NEK11: variants seen among roughly 807,000 people sequenced by gnomAD.
NEK11 encodes serine/threonine-protein kinase Nek11.
NEK11 carries 72 observed loss-of-function variants against 80.7 expected under a neutral mutation model. That is an observed-to-expected ratio of 0.89 (90% CI 0.74 to 1.08). NEK11 has a LOEUF of 1.08. NEK11 is among the 50% of genes least tolerant of loss of function. NEK11 has a pLI of 0.00. For missense variants in NEK11, 764 were observed against 763.6 expected (o/e 1.00, Z -0.01); for synonymous variants, 251 against 260.7 (o/e 0.96, Z 0.36).
intron 10 of NEK11, among the ~76,000 whole-genome samples, chr3:131,159,301 CAGAAAT>C (rs901551336): frequency 1.3e-5 from 2 of 152,200 alleles, no homozygotes; most frequent in African/African-American, 4.8e-5. Context: ...GCTGAAATGA[CAGAAAT>C]AGAATTCTGA....
At chr3:131,189,225 A>G (rs1360636197) in intron 14 of NEK11, among the ~76,000 whole-genome samples, 2 of 152,144 alleles carry the variant, frequency 1.3e-5, no homozygotes, top group Non-Finnish European at 2.9e-5. Context: ...ATTGTGAGAG[A>G]ATAAATTTCT....
intron 14 of NEK11, among the ~76,000 whole-genome samples, chr3:131,206,182 TAGTC>T (rs1037036161): frequency 2.0e-5 from 3 of 152,108 alleles, no homozygotes; most frequent in Admixed American, 6.5e-5. Context: ...TTCACCCAAA[TAGTC>T]AGGCTCTCCA....
At position 131,117,799 on chromosome 3, in the gene NEK11, C is replaced by T. The variant is rs535456610; in HGVS notation, c.455+7878C>T. Among the ~76,000 whole-genome samples the T allele has an allele frequency of 5.9e-5, 9 of 152,218 alleles. No homozygotes were observed. In the South Asian group the frequency reaches 1.9e-3, roughly 32 times the overall value. On this transcript the variant is annotated intron_variant, in intron 5 of 17. Transcript: ENST00000383366. Reference sequence around the variant, plus strand: ...TATCTGTTATTGGTGTACAGGAATGCTTGTGATTTTTGCACATTGATTTTG... The same window carrying T: ...TATCTGTTATTGGTGTACAGGAATGTTTGTGATTTTTGCACATTGATTTTG...
At chr3:131,201,886 G>A (rs776908961) in intron 14 of NEK11, among the ~76,000 whole-genome samples, 15 of 152,208 alleles carry the variant, frequency 9.9e-5, no homozygotes, top group Non-Finnish European at 1.8e-4. Context: ...CCAGGCTGGA[G>A]CGCAGTGGCA....
intron 3 of NEK11, among the ~76,000 whole-genome samples, chr3:131,075,407 C>T (rs1231607930): frequency 6.6e-6 from 1 of 152,162 alleles, no homozygotes; most frequent in African/African-American, 2.4e-5. Flanking sequence ...CTAACCTCTA[C>T]TCTTTTTTTT....
intron 3 of NEK11, among the ~76,000 whole-genome samples, chr3:131,041,093 G>A (rs1185804335): frequency 6.6e-6 from 1 of 151,998 alleles, no homozygotes; most frequent in African/African-American, 2.4e-5. Flanking sequence ...GGATAATATC[G>A]GCCAATCCAC....
At chr3:131,208,749 G>T (rs551984960) in intron 14 of NEK11, among the ~76,000 whole-genome samples, 236 of 152,278 alleles carry the variant, frequency 1.5e-3, no homozygotes, top group African/African-American at 5.3e-3. Context: ...GTTCACTCAT[G>T]ATTTGGCTCT....
intron 17 of NEK11, among the ~76,000 whole-genome samples, chr3:131,313,017 C>T (rs1179639958): frequency 1.3e-5 from 2 of 152,056 alleles, no homozygotes; most frequent in Non-Finnish European, 2.9e-5. Context: ...TGTTGTTCCC[C>T]TCTTTGGGTC....
chr3:131,088,932 T>C (rs2076367778), intron 4 of NEK11, among the ~76,000 whole-genome samples: 1 of 152,202 alleles, frequency 6.6e-6, no homozygotes, highest in South Asian at 2.1e-4. Flanking sequence ...GGTTGTACAA[T>C]ATAATGACAA....
intron 14 of NEK11, among the ~76,000 whole-genome samples, chr3:131,226,653 G>A (rs61484211): frequency 6.6e-6 from 1 of 151,952 alleles, no homozygotes; most frequent in East Asian, 1.9e-4. Flanking sequence ...TGCAGAGTGG[G>A]ATAATGGACT....
chr3:131,216,055 C>T (rs1034525990), intron 14 of NEK11, among the ~76,000 whole-genome samples: 4 of 152,152 alleles, frequency 2.6e-5, no homozygotes, highest in African/African-American at 9.7e-5. Flanking sequence ...ATTCAAATAG[C>T]CACAAGTGGC....
chr3:131,086,355 C>T (rs567980935), intron 4 of NEK11, among the ~76,000 whole-genome samples: 5 of 152,156 alleles, frequency 3.3e-5, no homozygotes, highest in African/African-American at 4.8e-5. Context: ...TTATATATTT[C>T]TCTCATTCTT....
chr3:131,199,759 A>T (rs1399630683), intron 14 of NEK11, among the ~76,000 whole-genome samples: 1 of 152,194 alleles, frequency 6.6e-6, no homozygotes, highest in East Asian at 1.9e-4. Context: ...ATTTCAGTAG[A>T]TTAGACTAGA....
chr3:131,063,147 C>T (rs1462645062), intron 3 of NEK11, among the ~76,000 whole-genome samples: 3 of 152,204 alleles, frequency 2.0e-5, no homozygotes, highest in Non-Finnish European at 4.4e-5. Context: ...GCCTCAGCCT[C>T]CCAAGTAGCT....
chr3:131,187,858 A>G (rs1410849384), intron 14 of NEK11, among the ~76,000 whole-genome samples: 2 of 152,210 alleles, frequency 1.3e-5, no homozygotes, highest in African/African-American at 2.4e-5. Context: ...ATTCCTTCCC[A>G]CAGTGAAAGA....
At chr3:131,267,494 T>C (rs2096083068) in intron 16 of NEK11, among the ~76,000 whole-genome samples, 1 of 152,260 alleles carries the variant, frequency 6.6e-6, no homozygotes, top group African/African-American at 2.4e-5. Context: ...AATTCTTTTA[T>C]TTAAGAATGT....
At chr3:131,109,519 G>T (rs1432642856) in intron 4 of NEK11, 4 of 222,732 alleles carry the variant, frequency 1.8e-5, no homozygotes, top group Non-Finnish European at 3.5e-5. Flanking sequence ...AACTTTAAGG[G>T]GTAGGAGGGT....
chr3:131,141,936 G>T (rs1352307578), intron 7 of NEK11, among the ~76,000 whole-genome samples: 1 of 152,192 alleles, frequency 6.6e-6, no homozygotes, highest in Non-Finnish European at 1.5e-5. Context: ...GTTAAGCAGA[G>T]GAATGATGTA....
intron 5 of NEK11, among the ~76,000 whole-genome samples, chr3:131,124,384 A>G (rs139920098): frequency 9.3e-4 from 141 of 152,314 alleles, no homozygotes; most frequent in African/African-American, 3.3e-3. Context: ...AGATGCAAAT[A>G]ATTTCTGTCC....
Sources: allele counts gnomAD v4.1 joint callset (sites outside exome capture counted in the v4.1 genomes callset), GRCh38; gene constraint gnomAD v4.1.1; transcripts MANE v1.5; gene names NCBI Gene and HGNC (gene_info 2026-07-23, HGNC 2026-07-21).